IGSF11: variants seen among roughly 807,000 people sequenced by gnomAD.
The protein encoded by IGSF11 is CXADR like 1.
A neutral mutation model predicts 41.0 loss-of-function variants in IGSF11; 22 were observed. The observed-to-expected ratio is 0.54, with a 90% CI of 0.38 to 0.77. IGSF11 has a LOEUF of 0.77. Ranked by LOEUF, IGSF11 falls within the 30% of genes least tolerant of loss-of-function variation. The pLI is 0.00. For synonymous variants in IGSF11, 219 were observed against 201.3 expected (o/e 1.09, Z -0.74); for missense variants, 444 against 530.8 (o/e 0.84, Z 1.61).
chr3:119,097,776 G>A (rs981784256), intron 1 of IGSF11, among the ~76,000 whole-genome samples: 1 of 151,806 alleles, frequency 6.6e-6, no homozygotes, highest in South Asian at 2.1e-4. Context: ...TTTCCAAGAT[G>A]TCTCATTTCT....
At chr3:119,002,794 A>G (rs1263954355) in intron 1 of IGSF11, among the ~76,000 whole-genome samples, 19 of 87,206 alleles carry the variant, frequency 2.2e-4, no homozygotes, top group South Asian at 2.0e-3. Context: ...GGTATGCGGC[A>G]TTATTTCTGA....
intron 4 of IGSF11, among the ~76,000 whole-genome samples, chr3:118,916,384 T>C (rs1488634792): frequency 2.0e-5 from 3 of 152,008 alleles, no homozygotes; most frequent in Admixed American, 6.5e-5. Flanking sequence ...GAGATACACA[T>C]AGGCTCAAAA....
chr3:119,060,547 A>G (rs970542807), intron 1 of IGSF11, among the ~76,000 whole-genome samples: 1 of 152,180 alleles, frequency 6.6e-6, no homozygotes. Flanking sequence ...CTTTAACACA[A>G]TCATCTTATT....
intron 1 of IGSF11, among the ~76,000 whole-genome samples, chr3:119,074,806 C>T (rs752229453): frequency 7.2e-5 from 11 of 151,856 alleles, no homozygotes; most frequent in Admixed American, 2.6e-4. Context: ...GAGCTGAGAT[C>T]GCACCACTGC....
At chr3:118,965,812 G>A (rs1198435276) in intron 1 of IGSF11, among the ~76,000 whole-genome samples, 2 of 152,074 alleles carry the variant, frequency 1.3e-5, no homozygotes, top group African/African-American at 4.8e-5. Flanking sequence ...TTTGGAATTA[G>A]GGAAGCATTT....
In IGSF11 at chr3:119,020,270, T is replaced by C. The variant is rs114169782; in HGVS notation, c.52+14261A>G. Among the ~76,000 whole-genome samples, 1,179 of 152,294 alleles carry C rather than the reference T, an allele frequency of 7.7e-3. 25 individuals are homozygous for C. Among genetic ancestry groups the C allele is most frequent in the African/African-American group, 0.027 (1,107 of 41,548 alleles). Reference sequence around the variant, plus strand: ...TCCCCTCACAAGGACACACAGACACTACTAGGTCTCTCATACACTTCAGGA... The same window carrying C: ...TCCCCTCACAAGGACACACAGACACCACTAGGTCTCTCATACACTTCAGGA... On this transcript the variant is annotated intron_variant, in intron 1 of 6. Transcript: ENST00000393775.
chr3:119,110,349 C>A (rs1289073456), intron 1 of IGSF11, among the ~76,000 whole-genome samples: 2 of 151,974 alleles, frequency 1.3e-5, no homozygotes, highest in East Asian at 1.9e-4. Context: ...ATGTAATGGC[C>A]TTCTTTGTCT....
intron 1 of IGSF11, among the ~76,000 whole-genome samples, chr3:118,998,833 T>C (rs1936526154): frequency 6.6e-6 from 1 of 152,158 alleles, no homozygotes; most frequent in Non-Finnish European, 1.5e-5. Context: ...TTTTATGCGG[T>C]TAAATTAAGC....
chr3:119,035,293 T>C (rs1367036630), upstream of IGSF11, among the ~76,000 whole-genome samples: 1 of 152,268 alleles, frequency 6.6e-6, no homozygotes, highest in East Asian at 1.9e-4. Context: ...TCCTCTCTTA[T>C]AAAACCTAAA....
chr3:119,019,101 G>A (rs1263091705), intron 1 of IGSF11, among the ~76,000 whole-genome samples: 1 of 152,004 alleles, frequency 6.6e-6, no homozygotes, highest in Non-Finnish European at 1.5e-5. Context: ...ATAAACCATT[G>A]CAGTGCAGTT....
chr3:118,916,804 AT>A (rs1034576114), intron 4 of IGSF11, among the ~76,000 whole-genome samples: 22 of 151,690 alleles, frequency 1.5e-4, no homozygotes, highest in Non-Finnish European at 3.1e-4. Flanking sequence ...CAGAATATAC[AT>A]TTTTTTCAGC....
chr3:119,076,078 A>G (rs2076493164), intron 1 of IGSF11, among the ~76,000 whole-genome samples: 2 of 152,184 alleles, frequency 1.3e-5, no homozygotes, highest in South Asian at 4.1e-4. Flanking sequence ...GATCAATGGA[A>G]CAGAACAGAG....
At chr3:118,913,419 AAGC>A (rs200400216) in intron 4 of IGSF11, among the ~76,000 whole-genome samples, 2,332 of 152,314 alleles carry the variant, frequency 0.015, 25 homozygotes, top group Middle Eastern at 0.037. Flanking sequence ...CAACTGCAAA[AAGC>A]AAAGGAAGGA....
At chr3:119,140,418 T>C (rs1193830992) in intron 1 of IGSF11, among the ~76,000 whole-genome samples, 1 of 152,192 alleles carries the variant, frequency 6.6e-6, no homozygotes, top group Admixed American at 6.5e-5. Flanking sequence ...ATCAGGTATA[T>C]ATAATGATTA....
chr3:119,104,474 G>A (rs2076989006), intron 1 of IGSF11, among the ~76,000 whole-genome samples: 1 of 152,014 alleles, frequency 6.6e-6, no homozygotes, highest in South Asian at 2.1e-4. Flanking sequence ...TAACCCTTCA[G>A]CTCTCAGCAT....
intron 6 of IGSF11, among the ~76,000 whole-genome samples, 200 bp from the exon 7 acceptor site, chr3:118,903,161 G>C (rs958700356): frequency 6.6e-6 from 1 of 152,084 alleles, no homozygotes; most frequent in Non-Finnish European, 1.5e-5. Flanking sequence ...CAACGGTCAA[G>C]AAAATCTCTC....
intron 1 of IGSF11, among the ~76,000 whole-genome samples, chr3:119,078,124 C>T (rs1426977129): frequency 1.3e-5 from 2 of 152,122 alleles, no homozygotes; most frequent in Admixed American, 6.5e-5. Flanking sequence ...AATACTATTC[C>T]TATCAAACTA....
At chr3:118,925,231 TTAC>T (rs1474390758) in intron 4 of IGSF11, among the ~76,000 whole-genome samples, 7 of 152,110 alleles carry the variant, frequency 4.6e-5, no homozygotes, top group Admixed American at 4.6e-4. Context: ...GTGAATAATT[TTAC>T]TACAACTTAG....
rs76515256 is a variant in IGSF11 at position 119,008,624 on chromosome 3, G to A, written c.52+25907C>T. Among the ~76,000 whole-genome samples, 77 of 152,302 alleles carry A rather than the reference G, an allele frequency of 5.1e-4. 3 individuals carry two copies. In the East Asian group the frequency reaches 0.015, roughly 29 times the overall value. On this transcript the variant is annotated intron_variant, in intron 1 of 6. Transcript: ENST00000393775. ...CAACATTTTTGGTGATTCTGAATAAGTCCACAGAGTGTTCCTGAATTAGGG... is the reference window on the plus strand; with the variant it reads ...CAACATTTTTGGTGATTCTGAATAAATCCACAGAGTGTTCCTGAATTAGGG...
Sources: allele counts gnomAD v4.1 joint callset (sites outside exome capture counted in the v4.1 genomes callset), GRCh38; gene constraint gnomAD v4.1.1; transcripts MANE v1.5; gene names NCBI Gene and HGNC (gene_info 2026-07-23, HGNC 2026-07-21).